The following KRT71 variants were observed in gnomAD, a reference collection of about 807,000 sequenced individuals.
The protein encoded by KRT71 is keratin, type II cytoskeletal 71.
KRT71 carries 42 observed loss-of-function variants against 46.2 expected under a neutral mutation model. The ratio of observed to expected loss-of-function variants is 0.91; its 90% confidence interval spans 0.71 to 1.18. The LOEUF is 1.18. Among genes scored for constraint, KRT71 ranks in the 50% most tolerant of loss-of-function variants. The pLI is 0.00. For synonymous variants in KRT71, 292 were observed against 277.8 expected, an observed-to-expected ratio of 1.05 and a Z score of -0.51; for missense variants, 708 against 677.9, an observed-to-expected ratio of 1.04 and a Z score of -0.49.
At chr12:52,546,077 G>A (rs1471649569) in intron 7 of KRT71, among the ~76,000 whole-genome samples, 1 of 151,992 alleles carries the variant, frequency 6.6e-6, no homozygotes, top group Non-Finnish European at 1.5e-5. Context: ...ACATAGCATA[G>A]TGCCTGCCAT....
chr12:52,552,820 A>G lies in KRT71; in HGVS notation c.258T>C (p.Ser86=), dbSNP rs868175212. 5 of 1,614,106 alleles carry G rather than the reference A, an allele frequency of 3.1e-6. No individual in the cohort carries two copies. The highest frequency in any genetic ancestry group is 4.2e-6 in the Non-Finnish European group (5 of 1,180,048). Residue 86 remains serine, a synonymous_variant, in exon 1 of 9, where the codon AGT becomes AGC. Transcript: ENST00000267119. ...ASGFAGSMFG[S]VALGPVCPTV... Reference sequence around the variant, plus strand: ...TTGGGCACACAGGCCCCAGGGCCACACTGCCAAACATGCTTCCAGCAAAGC... The same window carrying G: ...TTGGGCACACAGGCCCCAGGGCCACGCTGCCAAACATGCTTCCAGCAAAGC...
At chr12:52,546,558 T>C (rs565079596) in intron 6 of KRT71, 52 bp from the exon 7 acceptor site, 1 of 1,562,590 alleles carries the variant, frequency 6.4e-7, no homozygotes, top group Non-Finnish European at 8.7e-7. Flanking sequence ...ACTGCAACCA[T>C]CCACATCCAA....
rs750833862 is a variant in KRT71, at chr12:52,548,775, T to C, written c.739A>G (p.Asn247Asp). Residue 247 changes from asparagine (N) to aspartate (D), a missense_variant, in exon 4 of 9, where the codon AAT (asparagine) becomes GAT (aspartate). Transcript: ENST00000267119. ...ACCTTGGCCTGCAGTTCCACCTTATTGGCGTAAGCAGCATCCACATCCTGA... is the reference window on the plus strand; with the variant it reads ...ACCTTGGCCTGCAGTTCCACCTTATCGGCGTAAGCAGCATCCACATCCTGA... ...LKKDVDAAYA[N>D]KVELQAKVES... 15 of 1,614,188 alleles carry C rather than the reference T, an allele frequency of 9.3e-6. No homozygotes were observed. In the South Asian group the frequency reaches 1.2e-4, roughly 13 times the overall value.
rs778769667 is a variant in KRT71 at position 52,552,624 on chromosome 12, C to G, written c.441+13G>C. 4.4e-6 allele frequency: 7 copies of G among 1,603,336 alleles called. No individual in the cohort carries two copies. The highest frequency in any genetic ancestry group is 5.1e-6 in the Non-Finnish European group (6 of 1,174,878). On this transcript the variant is annotated intron_variant, in intron 1 of 8. Coordinates refer to ENST00000267119, the MANE Select transcript of KRT71 (RefSeq NM_033448.3). ...GGGCTGTTCACAAGTTCCCCAGGCC[C>G]TAGAAGACCCACCTTGTCGATGAAG...
intron 3 of KRT71, 49 bp from the exon 4 acceptor site, chr12:52,548,845 G>C: frequency 6.5e-7 from 1 of 1,534,990 alleles, no homozygotes; most frequent in South Asian, 1.1e-5. Flanking sequence ...CAGCCAAAAA[G>C]GCAGCAGCCA....
At chr12:52,548,921 G>T in intron 3 of KRT71, 125 bp from the exon 4 acceptor site, 1 of 828,336 alleles carries the variant, frequency 1.2e-6, no homozygotes, top group East Asian at 2.5e-5. Context: ...CTTGGGAAAG[G>T]AGACAAAGGA....
chr12:52,551,135 T>C (rs1702653495), intron 1 of KRT71, among the ~76,000 whole-genome samples: 1 of 152,092 alleles, frequency 6.6e-6, no homozygotes, highest in Admixed American at 6.5e-5. Context: ...AACCACAGAG[T>C]AAATCCTGCA....
chr12:52,546,602 C>A, intron 6 of KRT71, 96 bp from the exon 7 acceptor site: 2 of 1,177,930 alleles, frequency 1.7e-6, no homozygotes, highest in African/African-American at 3.0e-5. Flanking sequence ...GCAGAGTGGC[C>A]CGCCTCCACC....
In KRT71 at chr12:52,552,902, A is replaced by G; in HGVS notation, c.176T>C (p.Val59Ala). 6.2e-7 allele frequency: 1 copy of G among 1,614,160 alleles called. No homozygotes were observed. Among genetic ancestry groups the G allele is most frequent in the African/African-American group, 1.3e-5 (1 of 75,052 alleles). The stretch of plus-strand genomic sequence containing the variant: ...TCCACTCTTCCCGCTGCCACTGGCC[A>G]CATTGAGGCTCCGGACACCCCCCAG... ...YSLGGVRSLN[V>A]ASGSGKSGGY... Residue 59 changes from valine to alanine, a missense_variant, in exon 1 of 9, where the codon GTG (valine) becomes GCG (alanine). Physicochemically the swap from Val to Ala is moderately conservative, Grantham distance 64. Transcript: ENST00000267119.
chr12:52,548,329 C>T lies in KRT71; in HGVS notation c.814-13G>A, dbSNP rs992427671. On this transcript the variant is annotated splice_polypyrimidine_tract_variant and intron_variant, in intron 4 of 8. Transcript: ENST00000267119. ...TCTGAGTGATCTCCTGCAGGGGACA[C>T]AGAAATGGTCTCTCGGCTCAACTGC... 6.3e-7 allele frequency: 1 copy of T among 1,596,500 alleles called. No individual in the cohort carries two copies. Among genetic ancestry groups the T allele is most frequent in the Non-Finnish European group, 8.5e-7 (1 of 1,169,864 alleles).
rs1422620009 is a variant in KRT71, at chr12:52,544,095, G to T, written c.*437C>A. Reference sequence around the variant, plus strand: ...GGGGGTGGGGACTGGGCCACTCTTGGTTGTTTGTCCTTCAGTCCTCCTTTT... The same window carrying T: ...GGGGGTGGGGACTGGGCCACTCTTGTTTGTTTGTCCTTCAGTCCTCCTTTT... On this transcript the variant is annotated 3_prime_UTR_variant, in exon 9 of 9. Transcript: ENST00000267119. The T allele has an allele frequency of 1.0e-5, 2 of 191,060 alleles. No homozygotes were observed. The highest frequency in any genetic ancestry group is 2.2e-5 in the Non-Finnish European group (2 of 90,476). The allele number at this position is 191,060 out of a possible 1,614,324, so 11.8% of individuals were successfully genotyped here. A position where few individuals can be genotyped will look rare whatever the true frequency, so the allele number is the denominator to read the frequency against.
chr12:52,548,949 C>T (rs1013791275), intron 3 of KRT71, among the ~76,000 whole-genome samples, 153 bp from the exon 4 acceptor site: 1 of 151,746 alleles, frequency 6.6e-6, no homozygotes, highest in Non-Finnish European at 1.5e-5. Context: ...CCCAGCCCTA[C>T]CCCACCCCAC....
chr12:52,553,067 T>G lies in KRT71; in HGVS notation c.11A>C (p.Gln4Pro). The G allele has an allele frequency of 6.3e-7, 1 of 1,576,248 alleles. No individual in the cohort carries two copies. The highest frequency in any genetic ancestry group is 8.6e-7 in the Non-Finnish European group (1 of 1,160,058). The change falls in exon 1 of 9, where the codon CAA (glutamine) becomes CCA (proline). Residue 4 changes from glutamine to proline, a missense_variant. Gln to Pro is a moderately conservative substitution (Grantham distance 76). Transcript: ENST00000267119. ...GGCAGCTCCCGACTTGCAGGTGAAT[T>G]GGCGGCTCATGTTGCTGGTGGAGAC... MSR[Q>P]FTCKSGAAAK...
chr12:52,550,740 G>A (rs1377231435), intron 1 of KRT71, among the ~76,000 whole-genome samples: 1 of 152,126 alleles, frequency 6.6e-6, no homozygotes, highest in East Asian at 1.9e-4. Flanking sequence ...CTCCCTCCTT[G>A]GTCCTGCTCC....
rs1046198409 is a variant in KRT71, at chr12:52,549,418, C to T, written c.657-65G>A. ...GAAAGCCCTTGCTTTCACAGGGCAG[C>T]GTTGAGCAAGGAGCAGCGTGTCCAT... On this transcript the variant is annotated intron_variant, in intron 2 of 8. Coordinates refer to ENST00000267119, the MANE Select transcript of KRT71 (RefSeq NM_033448.3). 29 of 1,350,118 alleles carry T rather than the reference C, an allele frequency of 2.1e-5. 1 individual carries two copies. Among genetic ancestry groups the T allele is most frequent in the Admixed American group, 8.4e-5 (5 of 59,610 alleles). The allele number at this position is 1,350,118 out of a possible 1,614,324, so 83.6% of individuals were successfully genotyped here. A position where few individuals can be genotyped will look rare whatever the true frequency, so the allele number is the denominator to read the frequency against.
In KRT71 at chr12:52,553,010, A is replaced by G; in HGVS notation, c.68T>C (p.Val23Ala). Residue 23 changes from valine to alanine, a missense_variant, in exon 1 of 9, where the codon GTG becomes GCG. Physicochemically the swap from Val to Ala is moderately conservative, Grantham distance 64 (BLOSUM62 0). Transcript: ENST00000267119. ...GGAGGATGAGCTGCCCCCTGAGAGC[A>G]CAGCTGAGCAGCCACTGAAGCCCCC... ...AKGGFSGCSAVLSGGSSSSFR... is the reference protein window; with the variant it reads ...AKGGFSGCSAALSGGSSSSFR... The G allele has an allele frequency of 6.2e-7, 1 of 1,612,726 alleles. No individual in the cohort carries two copies. Among genetic ancestry groups the G allele is most frequent in the South Asian group, 1.1e-5 (1 of 90,906 alleles).
At chr12:52,550,642 G>A (rs1415027817) in intron 1 of KRT71, among the ~76,000 whole-genome samples, 2 of 152,250 alleles carry the variant, frequency 1.3e-5, no homozygotes, top group African/African-American at 4.8e-5. Flanking sequence ...GGGCATGTCA[G>A]AGCTCAGTAA....
chr12:52,545,313 C>T (rs754058636), intron 8 of KRT71, among the ~76,000 whole-genome samples: 2 of 152,192 alleles, frequency 1.3e-5, no homozygotes, highest in Non-Finnish European at 2.9e-5. Flanking sequence ...CCCTTGCTTT[C>T]CCATGACAAT....
chr12:52,544,177 T>G lies in KRT71; in HGVS notation c.*355A>C. ...AGGAACTATGCTAGGTCCCAGTGTG[T>G]GCGGGGCCTTGGGCAGAGACCCAGG... On this transcript the variant is annotated 3_prime_UTR_variant, in exon 9 of 9. Coordinates refer to ENST00000267119, the MANE Select transcript of KRT71 (RefSeq NM_033448.3). The G allele has an allele frequency of 2.9e-6, 1 of 342,918 alleles. No individual in the cohort carries two copies. The highest frequency in any genetic ancestry group is 6.4e-5 in the East Asian group (1 of 15,592). The allele number at this position is 342,918 out of a possible 1,614,324, so 21.2% of individuals were successfully genotyped here. A position where few individuals can be genotyped will look rare whatever the true frequency, so the allele number is the denominator to read the frequency against.
Sources: allele counts gnomAD v4.1 joint callset (sites outside exome capture counted in the v4.1 genomes callset), GRCh38; gene constraint gnomAD v4.1.1; transcripts MANE v1.5; gene names NCBI Gene and HGNC (gene_info 2026-07-23, HGNC 2026-07-21).